SNX4: variants seen among roughly 807,000 people sequenced by gnomAD.
The protein encoded by SNX4 is sorting nexin-4.
A neutral mutation model predicts 70.8 loss-of-function variants in SNX4; 49 were observed. That is an observed-to-expected ratio of 0.69 (90% CI 0.55 to 0.88). SNX4 has a LOEUF of 0.88. SNX4 is among the 40% of genes least tolerant of loss of function. SNX4 has a pLI of 0.00. For missense variants in SNX4, 528 were observed against 544.8 expected (o/e 0.97, Z 0.31); for synonymous variants, 206 against 183.8 (o/e 1.12, Z -0.98).
intron 8 of SNX4, among the ~76,000 whole-genome samples, chr3:125,473,943 T>C (rs1184639969): frequency 6.6e-6 from 1 of 152,224 alleles, no homozygotes; most frequent in Non-Finnish European, 1.5e-5. Context: ...ACTCATATTC[T>C]CACTAGCTTC....
At chr3:125,512,801 C>T (rs1337637981) in intron 1 of SNX4, among the ~76,000 whole-genome samples, 1 of 149,150 alleles carries the variant, frequency 6.7e-6, no homozygotes, top group Admixed American at 6.7e-5. Flanking sequence ...GACAGAGTGT[C>T]ACCCAGGCTG....
intron 6 of SNX4, among the ~76,000 whole-genome samples, chr3:125,484,927 G>A (rs1047930091): frequency 6.6e-6 from 1 of 152,080 alleles, no homozygotes; most frequent in African/African-American, 2.4e-5. Context: ...TTAGCTGGGC[G>A]TGGTGGTGGG....
At chr3:125,493,842 T>A (rs559565609) in intron 5 of SNX4, among the ~76,000 whole-genome samples, 1 of 151,372 alleles carries the variant, frequency 6.6e-6, no homozygotes, top group African/African-American at 2.4e-5. Context: ...CCATCCTGGC[T>A]AACATGGTGA....
At chr3:125,518,917 G>A (rs558441367) in intron 1 of SNX4, among the ~76,000 whole-genome samples, 173 of 152,152 alleles carry the variant, frequency 1.1e-3, no homozygotes, top group Non-Finnish European at 2.0e-3. Context: ...GGTAGCTGAG[G>A]GATGAGAATC....
chr3:125,500,369 A>G (rs1478195325), intron 2 of SNX4, among the ~76,000 whole-genome samples: 1 of 152,220 alleles, frequency 6.6e-6, no homozygotes, highest in East Asian at 1.9e-4. Flanking sequence ...AAGAGTTCCT[A>G]TTCAATGAAG....
At chr3:125,489,669 A>G (rs548288837) in intron 5 of SNX4, among the ~76,000 whole-genome samples, 3 of 152,368 alleles carry the variant, frequency 2.0e-5, no homozygotes, top group South Asian at 4.1e-4. Flanking sequence ...GACTGAATAC[A>G]TGGCATTCAA....
At chr3:125,458,906 G>C (rs1387945155) in intron 10 of SNX4, among the ~76,000 whole-genome samples, 1 of 150,088 alleles carries the variant, frequency 6.7e-6, no homozygotes. Flanking sequence ...GGGCATGGTG[G>C]CTCATGCCAG....
intron 9 of SNX4, among the ~76,000 whole-genome samples, chr3:125,462,960 GTTTTA>G (rs1933921741): frequency 6.6e-6 from 1 of 152,170 alleles, no homozygotes; most frequent in African/African-American, 2.4e-5. Context: ...TCGTGTGTTG[GTTTTA>G]TTTCTCTGAT....
chr3:125,476,316 A>C (rs935601252), intron 8 of SNX4, among the ~76,000 whole-genome samples: 2 of 151,030 alleles, frequency 1.3e-5, no homozygotes, highest in African/African-American at 4.9e-5. Context: ...TTATATCTGT[A>C]ATCCCAGCAC....
At chr3:125,506,041 T>G (rs1935035457) in intron 1 of SNX4, among the ~76,000 whole-genome samples, 1 of 152,092 alleles carries the variant, frequency 6.6e-6, no homozygotes, top group Non-Finnish European at 1.5e-5. Flanking sequence ...TATAAAGACT[T>G]TAAGTTTACA....
chr3:125,451,356 T>C lies in SNX4; in HGVS notation c.1254A>G (p.Leu418=), dbSNP rs374990903. The change falls in exon 13 of 14, where the codon TTA becomes TTG. Residue 418 remains leucine (L), a synonymous_variant. Transcript: ENST00000251775. Reference sequence around the variant, plus strand: ...CTGCATAGCTTATGAGGGCCTCCTTTAAGTCTCGGTTCTTTTGTTCTTTGA... The same window carrying C: ...CTGCATAGCTTATGAGGGCCTCCTTCAAGTCTCGGTTCTTTTGTTCTTTGA... ...ERFKEQKNRD[L]KEALISYAVM... 37 of 1,613,900 alleles carry C rather than the reference T, an allele frequency of 2.3e-5. No individual in the cohort carries two copies. Among genetic ancestry groups the C allele is most frequent in the Non-Finnish European group, 3.1e-5 (36 of 1,179,930 alleles).
In SNX4 at chr3:125,447,679, G is replaced by T; in HGVS notation, c.*100C>A. ...GAAAGCTGAATTTATTTAACTTATT[G>T]TATATGTTTATGTATACTAGGTAGT... On this transcript the variant is annotated 3_prime_UTR_variant, in exon 14 of 14. Coordinates refer to ENST00000251775, the MANE Select transcript of SNX4 (RefSeq NM_003794.4). 1 of 728,304 alleles carries T rather than the reference G, an allele frequency of 1.4e-6. No homozygotes were observed. Among genetic ancestry groups the T allele is most frequent in the Non-Finnish European group, 2.3e-6 (1 of 437,166 alleles). The allele number at this position is 728,304 out of a possible 1,614,324, so 45.1% of individuals were successfully genotyped here.
chr3:125,480,346 G>A lies in SNX4; in HGVS notation c.654-27C>T, dbSNP rs142577442. The A allele has an allele frequency of 4.1e-4, 582 of 1,415,936 alleles. 4 individuals carry two copies. In the East Asian group the frequency reaches 0.01, roughly 24 times the overall value. 87.7% of individuals were successfully genotyped at this position (1,415,936 alleles called of 1,614,324 possible). A position where few individuals can be genotyped will look rare whatever the true frequency, so the allele number is the denominator to read the frequency against. On this transcript the variant is annotated intron_variant, in intron 6 of 13. Transcript: ENST00000251775. ...TGAAACAGGAAACAAATAAAACATC[G>A]TTTTTCAAATGAAAACAAGCAGTCA...
chr3:125,512,247 A>G (rs918578482), intron 1 of SNX4, among the ~76,000 whole-genome samples: 2 of 152,212 alleles, frequency 1.3e-5, no homozygotes, highest in African/African-American at 2.4e-5. Context: ...CCCACAGCCA[A>G]GCAGTTTGAT....
At chr3:125,517,287 A>C (rs1339597404) in intron 1 of SNX4, among the ~76,000 whole-genome samples, 3 of 152,182 alleles carry the variant, frequency 2.0e-5, no homozygotes, top group Non-Finnish European at 4.4e-5. Context: ...TTACTTCTCT[A>C]TGAGCCTCTG....
At chr3:125,474,186 G>T (rs565237886) in intron 8 of SNX4, among the ~76,000 whole-genome samples, 2 of 152,274 alleles carry the variant, frequency 1.3e-5, no homozygotes, top group Non-Finnish European at 1.5e-5. Flanking sequence ...AAATCCACTG[G>T]TAAGTCTATC....
At chr3:125,511,869 G>C (rs1408459702) in intron 1 of SNX4, among the ~76,000 whole-genome samples, 1 of 152,134 alleles carries the variant, frequency 6.6e-6, no homozygotes, top group Non-Finnish European at 1.5e-5. Flanking sequence ...AGGTCTGAAA[G>C]AGGTCTGTGA....
At chr3:125,504,332 C>CAAA (rs759738129) in intron 2 of SNX4, among the ~76,000 whole-genome samples, 1 of 60,140 alleles carries the variant, frequency 1.7e-5, no homozygotes, top group African/African-American at 6.5e-5. Context: ...GACTCCATCT[C>CAAA]AAAAAAAAAA....
At chr3:125,479,409 G>A (rs774918706) in intron 7 of SNX4, among the ~76,000 whole-genome samples, 7 of 152,056 alleles carry the variant, frequency 4.6e-5, no homozygotes, top group Non-Finnish European at 8.8e-5. Flanking sequence ...ATAAAGATTA[G>A]CCAGGCATGG....
Sources: allele counts gnomAD v4.1 joint callset (sites outside exome capture counted in the v4.1 genomes callset), GRCh38; gene constraint gnomAD v4.1.1; transcripts MANE v1.5; gene names NCBI Gene and HGNC (gene_info 2026-07-23, HGNC 2026-07-21).